Variants in EPB41L4A observed in about 807,000 individuals in gnomAD.
EPB41L4A encodes the protein erythrocyte membrane protein band 4.1 like 4A, also known as band 4.1-like protein 4A.
In EPB41L4A, 100 loss-of-function variants were observed where a neutral mutation model predicts 108.6. The observed-to-expected ratio is 0.92, with a 90% CI of 0.78 to 1.09. EPB41L4A has a LOEUF of 1.09. Among genes scored for constraint, EPB41L4A ranks in the 50% least tolerant of loss-of-function variants. The probability of loss-of-function intolerance (pLI) is 0.00; values close to 1 mark genes in which losing one functional copy is unlikely to be tolerated. For missense variants in EPB41L4A, 1,030 were observed against 842.7 expected, an observed-to-expected ratio of 1.22 and a Z score of -2.75; for synonymous variants, 319 against 289.0, an observed-to-expected ratio of 1.10 and a Z score of -1.05.
In EPB41L4A at chr5:112,209,877, GTTAAC is replaced by G; in HGVS notation, c.1178+10_1178+14del. On this transcript the variant is annotated intron_variant, in intron 13 of 22. Coordinates refer to ENST00000261486, the MANE Select transcript of EPB41L4A (RefSeq NM_022140.5). ...CAGCATATAATTGTACGTTTCTTCA[GTTAAC>G]TTCACTGACCTTTTTACTGGTGAAG... 1 of 1,523,412 alleles carries G rather than the reference GTTAAC, an allele frequency of 6.6e-7. No individual in the cohort carries two copies. The highest frequency in any genetic ancestry group is 1.1e-5 in the South Asian group (1 of 87,128). 94.4% of individuals were successfully genotyped at this position (1,523,412 alleles called of 1,614,324 possible).
At chr5:112,316,294 C>G (rs1755423820) in intron 1 of EPB41L4A, among the ~76,000 whole-genome samples, 1 of 152,184 alleles carries the variant, frequency 6.6e-6, no homozygotes, top group African/African-American at 2.4e-5. Context: ...GGGAAATGAA[C>G]TCTGCAAAAA....
At chr5:112,151,118 A>G (rs1033375738) in intron 12 of EPB41L4A, among the ~76,000 whole-genome samples, 2 of 152,218 alleles carry the variant, frequency 1.3e-5, no homozygotes, top group Non-Finnish European at 2.9e-5. Flanking sequence ...AATATTTTCT[A>G]AAGTATATAC....
intron 12 of EPB41L4A, among the ~76,000 whole-genome samples, chr5:112,149,147 G>A (rs1759371695): frequency 1.3e-5 from 2 of 152,076 alleles, no homozygotes; most frequent in Admixed American, 6.6e-5. Flanking sequence ...ATATAATTTT[G>A]TCAGGTTCCC....
rs1356955718 is a variant in EPB41L4A, at chr5:112,218,369, T to A, written c.1088-8387A>T. 2.0e-5 allele frequency among the ~76,000 whole-genome samples: 3 copies of A among 152,318 alleles called. No homozygotes were observed. The East Asian group carries it at 5.8e-4, about 29-fold the overall frequency. On this transcript the variant is annotated intron_variant, in intron 12 of 22. Transcript: ENST00000261486. ...AGAGGTGTCACGAGTCACTTGGATA[T>A]CAAGTTTTTCTTCCTGTGATACGAG...
In EPB41L4A at chr5:112,358,911, C is replaced by T. The variant is rs1418373537; in HGVS notation, c.100-51421G>A. Among the ~76,000 whole-genome samples, 7 of 152,232 alleles carry T rather than the reference C, an allele frequency of 4.6e-5. No individual in the cohort carries two copies. In the South Asian group the frequency reaches 1.5e-3, roughly 32 times the overall value. On this transcript the variant is annotated intron_variant, in intron 1 of 22. Coordinates refer to ENST00000261486, the MANE Select transcript of EPB41L4A (RefSeq NM_022140.5). The stretch of plus-strand genomic sequence containing the variant: ...AATAACATAAAAGAATCACAAACTT[C>T]AATGCTAGGTGAAAGAAAACAGACA...
intron 1 of EPB41L4A, among the ~76,000 whole-genome samples, chr5:112,322,499 T>G (rs933879699): frequency 2.6e-5 from 4 of 152,162 alleles, no homozygotes; most frequent in African/African-American, 9.7e-5. Flanking sequence ...TTCCCTAAAG[T>G]GCCCTAGCCA....
Position 112,168,821 on chromosome 5 carries a change from C to T in EPB41L4A, c.1851-1G>A. The stretch of plus-strand genomic sequence containing the variant: ...TGGTGGTACAAGATCTGTTTTTGAA[C>T]TGCAGAGAATGAGTTTTAGAATTAG... On this transcript the variant is annotated splice_acceptor_variant, in intron 21 of 22. Coordinates refer to ENST00000261486, the MANE Select transcript of EPB41L4A (RefSeq NM_022140.5). LOFTEE classifies it high-confidence loss of function. 6.2e-7 allele frequency: 1 copy of T among 1,613,302 alleles called. No homozygotes were observed. Among genetic ancestry groups the T allele is most frequent in the Non-Finnish European group, 8.5e-7 (1 of 1,179,242 alleles).
chr5:112,365,884 G>A (rs377666666), intron 1 of EPB41L4A, among the ~76,000 whole-genome samples: 8 of 152,182 alleles, frequency 5.3e-5, no homozygotes, highest in East Asian at 3.9e-4. Flanking sequence ...AGAAAACATC[G>A]GATTTCAAAA....
chr5:112,147,661 C>A (rs1159415442), intron 12 of EPB41L4A, among the ~76,000 whole-genome samples: 7 of 146,760 alleles, frequency 4.8e-5, no homozygotes, highest in Non-Finnish European at 1.1e-4. Context: ...AAAAGATTAG[C>A]AAATCCATAA....
At chr5:112,396,818 G>A (rs1761384206) in intron 1 of EPB41L4A, among the ~76,000 whole-genome samples, 1 of 152,168 alleles carries the variant, frequency 6.6e-6, no homozygotes, top group South Asian at 2.1e-4. Flanking sequence ...CTATACTCAA[G>A]GGCAGGTGAA....
intron 13 of EPB41L4A, among the ~76,000 whole-genome samples, chr5:112,205,781 C>CT (rs1762444491): frequency 1.3e-5 from 2 of 152,110 alleles, no homozygotes; most frequent in Admixed American, 1.3e-4. Context: ...CTAGAGTCCA[C>CT]CTGCAGGAGA....
intron 12 of EPB41L4A, among the ~76,000 whole-genome samples, chr5:112,155,706 C>G (rs564568878): frequency 1.3e-5 from 2 of 152,212 alleles, no homozygotes; most frequent in East Asian, 3.9e-4. Flanking sequence ...ATGAAAGAAA[C>G]TATATTACAG....
chr5:112,179,475 T>G (rs965146580), intron 18 of EPB41L4A, among the ~76,000 whole-genome samples: 6 of 151,878 alleles, frequency 4.0e-5, no homozygotes, highest in African/African-American at 1.5e-4. Context: ...AAAAGGAAAA[T>G]ACATCATGAC....
intron 1 of EPB41L4A, among the ~76,000 whole-genome samples, chr5:112,316,637 C>G (rs1380381564): frequency 6.6e-6 from 1 of 152,116 alleles, no homozygotes; most frequent in Non-Finnish European, 1.5e-5. Flanking sequence ...TTATATTTTT[C>G]ATATATAAAA....
At chr5:112,172,806 C>G (rs1179688444) in intron 18 of EPB41L4A, among the ~76,000 whole-genome samples, 1 of 152,156 alleles carries the variant, frequency 6.6e-6, no homozygotes, top group Non-Finnish European at 1.5e-5. Context: ...TTCTACTGAT[C>G]ATTATTCTTA....
intron 11 of EPB41L4A, among the ~76,000 whole-genome samples, chr5:112,236,735 C>G (rs1235074196): frequency 6.6e-6 from 1 of 152,110 alleles, no homozygotes; most frequent in Non-Finnish European, 1.5e-5. Flanking sequence ...CTAAGTGAGA[C>G]AGAAAGAAAA....
chr5:112,277,316 G>T (rs926375594), intron 3 of EPB41L4A, among the ~76,000 whole-genome samples: 11 of 152,134 alleles, frequency 7.2e-5, no homozygotes, highest in Non-Finnish European at 1.5e-4. Flanking sequence ...CCAAGCCCAC[G>T]CATTTCAAAT....
intron 1 of EPB41L4A, among the ~76,000 whole-genome samples, chr5:112,332,596 C>T (rs1659160600): frequency 6.6e-6 from 1 of 152,086 alleles, no homozygotes; most frequent in African/African-American, 2.4e-5. Context: ...ATTTTTCATC[C>T]CTGATTTTCT....
chr5:112,340,679 G>A lies in EPB41L4A; in HGVS notation c.100-33189C>T, dbSNP rs538040457. On this transcript the variant is annotated intron_variant, in intron 1 of 22. Coordinates refer to ENST00000261486, the MANE Select transcript of EPB41L4A (RefSeq NM_022140.5). The stretch of plus-strand genomic sequence containing the variant: ...GGTATTATTTTTACCTTTTATATTC[G>A]CTAGTTCTGATGTAACTACATGTAC... 6.6e-5 allele frequency among the ~76,000 whole-genome samples: 10 copies of A among 151,966 alleles called. No individual in the cohort carries two copies. In the East Asian group the frequency reaches 1.2e-3, roughly 18 times the overall value.
Sources: gnomAD v4.1 joint callset for allele counts (sites outside exome capture counted in the v4.1 genomes callset) on GRCh38, gnomAD v4.1.1 for gene constraint, MANE v1.5 for transcripts, NCBI Gene and HGNC (gene_info 2026-07-23, HGNC 2026-07-21) for gene names.